CSMD3: variants seen among roughly 807,000 people sequenced by gnomAD.
The protein encoded by CSMD3 is CUB and sushi domain-containing protein 3.
Under a neutral mutation model 435.2 loss-of-function variants are expected in CSMD3, and 177 were observed. That is an observed-to-expected ratio of 0.41 (90% CI 0.36 to 0.46). CSMD3 has a LOEUF of 0.46. CSMD3 is among the 20% of genes least tolerant of loss of function. The probability of loss-of-function intolerance (pLI) is 0.34; values close to 1 mark genes in which losing one functional copy is unlikely to be tolerated. For synonymous variants in CSMD3, 1,656 were observed against 1,520.5 expected (o/e 1.09, Z -2.07); for missense variants, 4,265 against 4,504.6 (o/e 0.95, Z 1.52).
At chr8:112,354,882 C>A (rs1023561149) in intron 38 of CSMD3, among the ~76,000 whole-genome samples, 14 of 152,036 alleles carry the variant, frequency 9.2e-5, no homozygotes, top group African/African-American at 3.4e-4. Flanking sequence ...AAGTAAAGCC[C>A]AAATAGCCAA....
At chr8:112,469,596 C>T (rs60878289) in intron 32 of CSMD3, among the ~76,000 whole-genome samples, 2,660 of 152,192 alleles carry the variant, frequency 0.017, 80 homozygotes, top group African/African-American at 0.06. Context: ...TGATAAGGAG[C>T]GCACAACCTA....
At chr8:112,746,667 A>G (rs1383567272) in intron 13 of CSMD3, among the ~76,000 whole-genome samples, 1 of 151,790 alleles carries the variant, frequency 6.6e-6, no homozygotes. Context: ...AATTATCTCT[A>G]TTATTACATT....
In CSMD3 at chr8:112,401,326, AT is replaced by A. The variant is rs200694200; in HGVS notation, c.5809+5197del. Among the ~76,000 whole-genome samples the A allele has an allele frequency of 6.3e-4, 95 of 150,954 alleles. 1 individual carries two copies. Among genetic ancestry groups the A allele is most frequent in the African/African-American group, 2.0e-3 (82 of 41,154 alleles). The stretch of plus-strand genomic sequence containing the variant: ...ACTTCTCTTCGCTTGCTATTTTGCT[AT>A]TTTTTTTTAATTTTTCCTTTTCTCT... On this transcript the variant is annotated intron_variant, in intron 35 of 70. Transcript: ENST00000297405.
chr8:112,964,498 T>G (rs920094834), intron 7 of CSMD3, among the ~76,000 whole-genome samples: 2 of 151,974 alleles, frequency 1.3e-5, no homozygotes, highest in South Asian at 2.1e-4. Context: ...TGAAGCCTCA[T>G]AATACTTTAT....
At chr8:112,287,031 G>A (rs1358126057) in intron 58 of CSMD3, 33 bp downstream of exon 58, 1 of 1,563,420 alleles carries the variant, frequency 6.4e-7, no homozygotes, top group Non-Finnish European at 8.8e-7. Flanking sequence ...AAATCCAGTA[G>A]TTGCAATATA....
chr8:113,071,649 A>G (rs907002293), intron 5 of CSMD3, among the ~76,000 whole-genome samples: 2 of 151,796 alleles, frequency 1.3e-5, no homozygotes, highest in African/African-American at 2.4e-5. Context: ...TTTCTTGTCT[A>G]TCTATTCTGT....
intron 24 of CSMD3, among the ~76,000 whole-genome samples, chr8:112,572,970 A>G (rs956218419): frequency 4.9e-4 from 74 of 152,222 alleles, no homozygotes; most frequent in African/African-American, 1.6e-3. Context: ...TAAATAGTCA[A>G]AATAGCTGAC....
chr8:112,644,708 A>G (rs904429869), intron 20 of CSMD3, among the ~76,000 whole-genome samples: 1 of 152,100 alleles, frequency 6.6e-6, no homozygotes, highest in Non-Finnish European at 1.5e-5. Flanking sequence ...AAGTATATAT[A>G]AACACATACT....
intron 27 of CSMD3, among the ~76,000 whole-genome samples, chr8:112,529,268 GTTTCCC>G (rs1825290625): frequency 6.6e-6 from 1 of 152,134 alleles, no homozygotes; most frequent in South Asian, 2.1e-4. Flanking sequence ...TAGTGTCATA[GTTTCCC>G]CCAGTGGGTC....
intron 7 of CSMD3, among the ~76,000 whole-genome samples, chr8:112,962,880 T>C (rs990627794): frequency 3.3e-5 from 5 of 151,954 alleles, no homozygotes; most frequent in Non-Finnish European, 5.9e-5. Flanking sequence ...AATTGTGACA[T>C]TGCATTAGAA....
intron 18 of CSMD3, among the ~76,000 whole-genome samples, chr8:112,652,315 C>A (rs560755017): frequency 4.5e-4 from 69 of 152,230 alleles, no homozygotes; most frequent in East Asian, 2.7e-3. Flanking sequence ...AAAGTTTAGA[C>A]CCCCTTCCTT....
At chr8:112,446,513 T>C (rs565727461) in intron 32 of CSMD3, among the ~76,000 whole-genome samples, 2 of 152,340 alleles carry the variant, frequency 1.3e-5, no homozygotes, top group South Asian at 2.1e-4. Context: ...TTTTAAAATT[T>C]ACATGCAAGA....
chr8:112,321,350 C>CA (rs1180675560), intron 45 of CSMD3, among the ~76,000 whole-genome samples: 1 of 151,876 alleles, frequency 6.6e-6, no homozygotes, highest in East Asian at 1.9e-4. Flanking sequence ...GCTTCTATTG[C>CA]AAAAAAGTAT....
chr8:112,698,334 A>T (rs2076305244), intron 13 of CSMD3, among the ~76,000 whole-genome samples: 1 of 152,140 alleles, frequency 6.6e-6, no homozygotes, highest in South Asian at 2.1e-4. Flanking sequence ...AAATGGGTGG[A>T]TATACATACA....
At chr8:112,401,470 T>C (rs1410088903) in intron 35 of CSMD3, among the ~76,000 whole-genome samples, 1 of 152,174 alleles carries the variant, frequency 6.6e-6, no homozygotes, top group African/African-American at 2.4e-5. Flanking sequence ...ATGTGATGTT[T>C]AAATTTTTAG....
intron 6 of CSMD3, among the ~76,000 whole-genome samples, chr8:113,005,060 TAC>T (rs943983334): frequency 6.6e-6 from 1 of 151,854 alleles, no homozygotes; most frequent in Admixed American, 6.6e-5. Context: ...TCTGTATATA[TAC>T]ACACATATAT....
At chr8:113,289,554 CAGAGAGAGAGAG>C (rs66595138) in intron 2 of CSMD3, among the ~76,000 whole-genome samples, 44 of 143,300 alleles carry the variant, frequency 3.1e-4, no homozygotes, top group Non-Finnish European at 5.6e-4. Flanking sequence ...CAGAGAGAGA[CAGAGAGAGAGAG>C]AGAGAGAGAG....
intron 3 of CSMD3, among the ~76,000 whole-genome samples, chr8:113,182,237 A>G (rs1321484366): frequency 6.6e-6 from 1 of 152,090 alleles, no homozygotes; most frequent in Non-Finnish European, 1.5e-5. Flanking sequence ...TACATATGCT[A>G]AAGGAAGACT....
At chr8:112,525,442 C>T (rs34737059) in intron 27 of CSMD3, among the ~76,000 whole-genome samples, 31,709 of 150,018 alleles carry the variant, frequency 0.21, 4,066 homozygotes, top group East Asian at 0.47. Context: ...ATCAAAAGGC[C>T]GGGAGCAGTG....
Sources: allele counts gnomAD v4.1 joint callset (sites outside exome capture counted in the v4.1 genomes callset), GRCh38; gene constraint gnomAD v4.1.1; transcripts MANE v1.5; gene names NCBI Gene and HGNC (gene_info 2026-07-23, HGNC 2026-07-21).